ADAMTS15: variants seen among roughly 807,000 people sequenced by gnomAD.
ADAMTS15 encodes A disintegrin and metalloproteinase with thrombospondin motifs 15.
A neutral mutation model predicts 79.1 loss-of-function variants in ADAMTS15; 35 were observed. The ratio of observed to expected loss-of-function variants is 0.44; its 90% CI spans 0.34 to 0.59. The LOEUF (loss-of-function observed/expected upper bound fraction) is 0.59, where lower values mean the gene tolerates loss of function less well. Ranked by LOEUF, ADAMTS15 falls within the 20% of genes least tolerant of loss-of-function variation. The pLI, the probability that ADAMTS15 is intolerant of heterozygous loss-of-function variation, is 0.02. For synonymous variants in ADAMTS15, 616 were observed against 567.3 expected (o/e 1.09, Z -1.22); for missense variants, 1,324 against 1,318.7 (o/e 1.00, Z -0.06).
rs771323594 is a variant in ADAMTS15 at position 130,461,486 on chromosome 11, C to T, written c.958-3C>T. ...TGGCTTCTGCTTCTCCCCCACCCGG[C>T]AGGACCTGTGTGGAGCCACCACCTG... On this transcript the variant is annotated splice_polypyrimidine_tract_variant and splice_region_variant and intron_variant, in intron 1 of 7. Transcript: ENST00000299164. 15 of 1,614,118 alleles carry T rather than the reference C, an allele frequency of 9.3e-6. No homozygotes were observed. The African/African-American group carries it at 1.9e-4, about 20-fold the overall frequency.
At position 130,471,259 on chromosome 11, in the gene ADAMTS15, G is replaced by C; in HGVS notation, c.1954G>C (p.Gly652Arg). The change falls in exon 7 of 8, where the codon GGC (glycine) becomes CGC (arginine). Residue 652 changes from glycine (G) to arginine (R), a missense_variant. Transcript: ENST00000299164. ...SPDSTSVCVQ[G>R]KCIKAGCDGN... is the part of the protein sequence containing the mutation. ...TGACTCCACCTCCGTCTGTGTCCAA[G>C]GCAAGTGCATCAAGGCTGGCTGTGA... The C allele has an allele frequency of 6.2e-7, 1 of 1,612,456 alleles. No individual in the cohort carries two copies. Among genetic ancestry groups the C allele is most frequent in the Non-Finnish European group, 8.5e-7 (1 of 1,179,560 alleles).
chr11:130,448,930 G>GGCCCA lies in ADAMTS15; in HGVS notation c.-39_-35dup. ...GACCGCGGCAGCGGCCGGAGAGCCC[G>GGCCCA]GCCCAGCCCCTTCCCACAGCGCGGC... On this transcript the variant is annotated 5_prime_UTR_variant, in exon 1 of 8. Transcript: ENST00000299164. The GGCCCA allele has an allele frequency of 1.4e-6, 2 of 1,399,014 alleles. No homozygotes were observed. Among genetic ancestry groups the GGCCCA allele is most frequent in the Non-Finnish European group, 1.9e-6 (2 of 1,068,526 alleles). The allele number at this position is 1,399,014 out of a possible 1,614,324, so 86.7% of individuals were successfully genotyped here. A position where few individuals can be genotyped will look rare whatever the true frequency, so the allele number is the denominator to read the frequency against.
chr11:130,470,160 A>ATATATATATATATATATGTGTG (rs1565397671), intron 5 of ADAMTS15, among the ~76,000 whole-genome samples: 2 of 57,316 alleles, frequency 3.5e-5, no homozygotes, highest in Admixed American at 1.6e-4. Flanking sequence ...ATGTGTATAT[A>ATATATATATATATATATGTGTG]TATATATATA....
At position 130,476,417 on chromosome 11, in the gene ADAMTS15, C is replaced by G. The variant is rs1026693640; in HGVS notation, c.*2596C>G. On this transcript the variant is annotated 3_prime_UTR_variant, in exon 8 of 8. Coordinates refer to ENST00000299164, the MANE Select transcript of ADAMTS15 (RefSeq NM_139055.4). ...CAGGAGCTGATGACAGTTTGAGGGA[C>G]TTGAGTGTCCCTAGCCTGGCAGTTG... 5.3e-5 allele frequency: 8 copies of G among 152,204 alleles called. No homozygotes were observed. The highest frequency in any genetic ancestry group is 8.8e-5 in the Non-Finnish European group (6 of 68,112). 9.4% of individuals were successfully genotyped at this position (152,204 alleles called of 1,614,324 possible). A position where few individuals can be genotyped will look rare whatever the true frequency, so the allele number is the denominator to read the frequency against.
At position 130,449,506 on chromosome 11, in the gene ADAMTS15, C is replaced by T. The variant is rs751702706; in HGVS notation, c.533C>T (p.Ser178Leu). Residue 178 changes from serine to leucine, a missense_variant, in exon 1 of 8, where the codon TCG becomes TTG. Coordinates refer to ENST00000299164, the MANE Select transcript of ADAMTS15 (RefSeq NM_139055.4). The surrounding 1 kb of genome is among the most constrained non-coding windows in gnomAD (Gnocchi z 7.8). ...GDPTSRCGVA[S>L]GWNPAILRAL... ...CCCACCTCTCGCTGCGGGGTGGCCT[C>T]GGGCTGGAACCCCGCCATCCTACGG... The T allele has an allele frequency of 3.9e-6, 6 of 1,553,660 alleles. No individual in the cohort carries two copies. In the Admixed American group the frequency reaches 5.4e-5, roughly 14 times the overall value.
Position 130,471,022 on chromosome 11 carries a change from C to G in ADAMTS15, c.1823C>G (p.Ser608Cys), listed in dbSNP as rs867034669. 4.3e-6 allele frequency: 7 copies of G among 1,613,722 alleles called. No homozygotes were observed. Among genetic ancestry groups the G allele is most frequent in the Non-Finnish European group, 5.9e-6 (7 of 1,180,048 alleles). The change falls in exon 6 of 8, where the codon TCC becomes TGC. Residue 608 changes from serine (S) to cysteine (C), a missense_variant. Ser to Cys is a moderately radical substitution (Grantham distance 112, BLOSUM62 -1). Coordinates refer to ENST00000299164, the MANE Select transcript of ADAMTS15 (RefSeq NM_139055.4). ...GCCGTGGCATGGGTGCCCAAGTACT[C>G]CGGCGTGTCTCCCCGGGACAAGTGC... Reference protein sequence around the residue: ...TLAVAWVPKYSGVSPRDKCKL... With the variant: ...TLAVAWVPKYCGVSPRDKCKL...
intron 4 of ADAMTS15, among the ~76,000 whole-genome samples, chr11:130,468,727 T>C (rs1376961694): frequency 7.5e-6 from 1 of 133,836 alleles, no homozygotes; most frequent in Non-Finnish European, 1.5e-5. Context: ...ATAGCGCCAC[T>C]GCAGTCCAGC....
rs1368865160 is a variant in ADAMTS15, at chr11:130,475,443, A to G, written c.*1622A>G. The G allele has an allele frequency of 6.6e-6, 1 of 152,112 alleles. No homozygotes were observed. Among genetic ancestry groups the G allele is most frequent in the East Asian group, 1.9e-4 (1 of 5,196 alleles). 9.4% of individuals were successfully genotyped at this position (152,112 alleles called of 1,614,324 possible). ...GTGTACATGGGATATTCTGCTTCTG[A>G]GTGTAGGTGATGAATCCAGGTCCTC... On this transcript the variant is annotated 3_prime_UTR_variant, in exon 8 of 8. Coordinates refer to ENST00000299164, the MANE Select transcript of ADAMTS15 (RefSeq NM_139055.4).
chr11:130,449,730 T>C lies in ADAMTS15; in HGVS notation c.757T>C (p.Tyr253His), dbSNP rs761032988. 4.3e-6 allele frequency: 7 copies of C among 1,612,552 alleles called. No homozygotes were observed. The South Asian group carries it at 5.5e-5, about 13-fold the overall frequency. ...LTLLATAARLYRHPSILNPIN... is the reference protein window; with the variant it reads ...LTLLATAARLHRHPSILNPIN... The stretch of plus-strand genomic sequence containing the variant: ...GCTGCTGGCAACGGCGGCGCGACTC[T>C]ACCGCCATCCCAGCATCCTCAACCC... Residue 253 changes from tyrosine to histidine, a missense_variant, in exon 1 of 8, where the codon TAC becomes CAC. By Grantham distance (83) the Tyr-to-His change is moderately conservative (BLOSUM62 2). Transcript: ENST00000299164. This position sits in a 1 kb window ranked among gnomAD's most constrained non-coding sequence, Gnocchi z 7.8.
At chr11:130,450,479 A>G (rs1159059091) in intron 1 of ADAMTS15, 2 of 979,498 alleles carry the variant, frequency 2.0e-6, no homozygotes, top group Non-Finnish European at 2.4e-6. Flanking sequence ...GGAGGGAATC[A>G]TTGAGAGATT....
intron 1 of ADAMTS15, among the ~76,000 whole-genome samples, chr11:130,458,797 G>T (rs1294022463): frequency 6.6e-6 from 1 of 152,138 alleles, no homozygotes; most frequent in Non-Finnish European, 1.5e-5. Context: ...GCAAGGGTAG[G>T]TGCCTGCCCC....
intron 4 of ADAMTS15, among the ~76,000 whole-genome samples, chr11:130,468,720 G>A (rs1377323328): frequency 6.8e-6 from 1 of 147,088 alleles, no homozygotes; most frequent in African/African-American, 2.5e-5. Flanking sequence ...AGCCGGGATA[G>A]CGCCACTGCA....
In ADAMTS15 at chr11:130,475,503, G is replaced by T. The variant is rs1462738132; in HGVS notation, c.*1682G>T. ...TTTTCTGGAGCTAAGATCAAAGCAT[G>T]TGTCTTCCTGGGAGAGAAGAGTTCC... On this transcript the variant is annotated 3_prime_UTR_variant, in exon 8 of 8. Transcript: ENST00000299164. The T allele has an allele frequency of 1.3e-5, 2 of 152,260 alleles. No homozygotes were observed. The highest frequency in any genetic ancestry group is 4.8e-5 in the African/African-American group (2 of 41,450). 9.4% of individuals were successfully genotyped at this position (152,260 alleles called of 1,614,324 possible). A position where few individuals can be genotyped will look rare whatever the true frequency, so the allele number is the denominator to read the frequency against.
In ADAMTS15 at chr11:130,473,462, G is replaced by T; in HGVS notation, c.2494G>T (p.Val832Leu). The change falls in exon 8 of 8, where the codon GTG becomes TTG. Residue 832 changes from valine to leucine, a missense_variant. Coordinates refer to ENST00000299164, the MANE Select transcript of ADAMTS15 (RefSeq NM_139055.4). ...HNSVLSLSNQVEQPDDRPPAR... is the reference protein window; with the variant it reads ...HNSVLSLSNQLEQPDDRPPAR... ...CAGCGTCCTCAGCCTCTCCAACCAG[G>T]TGGAGCAGCCGGACGACAGGCCCCC... 6.2e-7 allele frequency: 1 copy of T among 1,612,342 alleles called. No individual in the cohort carries two copies. Among genetic ancestry groups the T allele is most frequent in the Non-Finnish European group, 8.5e-7 (1 of 1,179,680 alleles).
chr11:130,463,518 G>A (rs1938244308), intron 4 of ADAMTS15, among the ~76,000 whole-genome samples: 1 of 152,116 alleles, frequency 6.6e-6, no homozygotes, highest in Admixed American at 6.5e-5. Flanking sequence ...TCTCCTCCCG[G>A]ATCCTGGAGC....
intron 4 of ADAMTS15, among the ~76,000 whole-genome samples, chr11:130,465,045 T>C (rs1938273857): frequency 1.3e-5 from 2 of 151,920 alleles, no homozygotes; most frequent in Non-Finnish European, 2.9e-5. Flanking sequence ...CATAATGCTG[T>C]CCAGGAGTCA....
Position 130,469,424 on chromosome 11 carries a change from C to T in ADAMTS15, c.1705C>T (p.Pro569Ser). The T allele has an allele frequency of 2.2e-6, 3 of 1,341,336 alleles. No homozygotes were observed. The highest frequency in any genetic ancestry group is 2.8e-5 in the East Asian group (1 of 35,732). The allele number at this position is 1,341,336 out of a possible 1,614,324, so 83.1% of individuals were successfully genotyped here. A position where few individuals can be genotyped will look rare whatever the true frequency, so the allele number is the denominator to read the frequency against. ...GAAATACCGATCCTGCAATCTGGAG[C>T]CCTGCCCCAGCTCAGGTGAGGTGGG... is the stretch of plus-strand genomic sequence containing the variant. ...RVKYRSCNLE[P>S]CPSSASGKSF... The change falls in exon 5 of 8, where the codon CCC (proline) becomes TCC (serine). Residue 569 changes from proline (P) to serine (S), a missense_variant. By Grantham distance (74) the Pro-to-Ser change is moderately conservative. Transcript: ENST00000299164.
intron 5 of ADAMTS15, among the ~76,000 whole-genome samples, chr11:130,470,136 A>ATGTG (rs1938395373): frequency 1.6e-5 from 1 of 63,990 alleles, no homozygotes; most frequent in African/African-American, 7.6e-5. Flanking sequence ...ATATATACAT[A>ATGTG]TATATATATA....
chr11:130,457,199 C>G (rs937832399), intron 1 of ADAMTS15, among the ~76,000 whole-genome samples: 1 of 151,546 alleles, frequency 6.6e-6, no homozygotes, highest in African/African-American at 2.4e-5. Context: ...CGACTGTACT[C>G]CAGCCTGGGC....
Sources: gnomAD v4.1 joint callset for allele counts (sites outside exome capture counted in the v4.1 genomes callset) on GRCh38, gnomAD v4.1.1 for gene constraint, Gnocchi (gnomAD v3.1) non-coding constraint, MANE v1.5 for transcripts, NCBI Gene and HGNC (gene_info 2026-07-23, HGNC 2026-07-21) for gene names.